Variants in STMND1 observed in about 807,000 individuals in gnomAD.
The protein encoded by STMND1 is stathmin domain-containing protein 1.
STMND1 carries 17 observed loss-of-function variants against 23.0 expected under a neutral mutation model. The ratio of observed to expected loss-of-function variants is 0.74; its 90% CI spans 0.51 to 1.11. The LOEUF (loss-of-function observed/expected upper bound fraction) is 1.11. Ranked by LOEUF, STMND1 falls within the 50% of genes least tolerant of loss-of-function variation. The pLI, the probability that STMND1 is intolerant of heterozygous loss-of-function variation, is 0.00. For missense variants in STMND1, 305 were observed against 329.1 expected (o/e 0.93, Z 0.57); for synonymous variants, 114 against 119.9 (o/e 0.95, Z 0.32).
intron 4 of STMND1, among the ~76,000 whole-genome samples, 170 bp from the exon 5 acceptor site, chr6:17,130,424 T>C (rs1338817671): frequency 6.6e-6 from 1 of 152,200 alleles, no homozygotes; most frequent in Non-Finnish European, 1.5e-5. Flanking sequence ...CCAAGCTCCA[T>C]GAGGGCAGGC....
At chr6:17,129,661 G>A (rs940945391) in intron 4 of STMND1, among the ~76,000 whole-genome samples, 24 of 152,182 alleles carry the variant, frequency 1.6e-4, no homozygotes, top group African/African-American at 3.9e-4. Flanking sequence ...TGGCTAACAC[G>A]GTGAAACCCC....
chr6:17,108,061 C>T (rs912049492), intron 1 of STMND1, among the ~76,000 whole-genome samples: 8 of 152,262 alleles, frequency 5.3e-5, no homozygotes, highest in African/African-American at 1.9e-4. Flanking sequence ...AATTTCTGCT[C>T]TGGTTTATGT....
chr6:17,126,206 T>C (rs1761303377), intron 3 of STMND1, among the ~76,000 whole-genome samples: 1 of 149,990 alleles, frequency 6.7e-6, no homozygotes, highest in Admixed American at 6.6e-5. Context: ...CGTGAGCCAC[T>C]GCGCCCAGCT....
intron 2 of STMND1, 125 bp downstream of exon 2, chr6:17,115,264 C>A (rs1476955524): frequency 3.4e-6 from 3 of 887,534 alleles, no homozygotes. Context: ...CATTAAATGG[C>A]AGTGTTTTTG....
chr6:17,109,930 A>G (rs1761075372), intron 1 of STMND1, among the ~76,000 whole-genome samples: 1 of 152,216 alleles, frequency 6.6e-6, no homozygotes, highest in Non-Finnish European at 1.5e-5. Context: ...CATTCAAAAT[A>G]GAATCAATCT....
Position 17,114,215 on chromosome 6 carries a change from C to T in STMND1, c.82-747C>T, listed in dbSNP as rs146148270. Among the ~76,000 whole-genome samples the T allele has an allele frequency of 3.1e-3, 464 of 151,740 alleles. 5 individuals are homozygous for T. The highest frequency in any genetic ancestry group is 0.011 in the African/African-American group (447 of 41,332). Reference sequence around the variant, plus strand: ...CTTGTCTTCCTGCAACTAGACAATCCTATCTAGGGGTGATGGAAAACAGTG... The same window carrying T: ...CTTGTCTTCCTGCAACTAGACAATCTTATCTAGGGGTGATGGAAAACAGTG... On this transcript the variant is annotated intron_variant, in intron 1 of 4. Transcript: ENST00000536551.
In STMND1 at chr6:17,129,243, G is replaced by C; in HGVS notation, c.543G>C (p.Lys181Asn). The C allele has an allele frequency of 1.3e-6, 2 of 1,535,896 alleles. No individual in the cohort carries two copies. Among genetic ancestry groups the C allele is most frequent in the Non-Finnish European group, 1.7e-6 (2 of 1,146,798 alleles). ...EKMEAAEERR[K>N]TKEEEIRKRL... ...TGGAGGCTGCCGAGGAGCGCAGGAAGGTAGTGAGCTCTCAGATGCTCTAGG... is the reference window on the plus strand; with the variant it reads ...TGGAGGCTGCCGAGGAGCGCAGGAACGTAGTGAGCTCTCAGATGCTCTAGG... Residue 181 changes from lysine to asparagine, a missense_variant and splice_region_variant, in exon 4 of 5, where the codon AAG becomes AAC. Lys to Asn is a moderately conservative substitution (Grantham distance 94). Transcript: ENST00000536551.
chr6:17,115,813 C>A (rs1013304353), intron 2 of STMND1, among the ~76,000 whole-genome samples: 1 of 152,200 alleles, frequency 6.6e-6, no homozygotes, highest in Non-Finnish European at 1.5e-5. Context: ...TGCTCCCCAT[C>A]ACTGTTATTT....
chr6:17,102,480 T>A, intron 1 of STMND1, 142 bp downstream of exon 1: 2 of 840,296 alleles, frequency 2.4e-6, no homozygotes, highest in Non-Finnish European at 3.7e-6. Flanking sequence ...GGAGCAACTT[T>A]ATTCTGCCGG....
chr6:17,122,446 G>A (rs1310142526), intron 3 of STMND1, among the ~76,000 whole-genome samples: 1 of 152,154 alleles, frequency 6.6e-6, no homozygotes, highest in African/African-American at 2.4e-5. Flanking sequence ...CTTAATGGTT[G>A]TCTATCCCTG....
At chr6:17,104,723 C>A (rs553035345) in intron 1 of STMND1, among the ~76,000 whole-genome samples, 36 of 152,320 alleles carry the variant, frequency 2.4e-4, no homozygotes, top group African/African-American at 8.4e-4. Flanking sequence ...TTATCTCAGT[C>A]CTCTTTTGAA....
At chr6:17,102,705 C>T (rs1760959900) in intron 1 of STMND1, among the ~76,000 whole-genome samples, 1 of 152,056 alleles carries the variant, frequency 6.6e-6, no homozygotes, top group Non-Finnish European at 1.5e-5. Context: ...TAGTGTTGAC[C>T]GTGATTCTCG....
At chr6:17,117,798 A>G (rs1446290913) in intron 2 of STMND1, among the ~76,000 whole-genome samples, 4 of 145,152 alleles carry the variant, frequency 2.8e-5, no homozygotes, top group African/African-American at 1.0e-4. Context: ...TGTCTGCCTC[A>G]GCCTCTCGAC....
At chr6:17,120,261 TG>T (rs1259339022) in intron 2 of STMND1, among the ~76,000 whole-genome samples, 2 of 152,216 alleles carry the variant, frequency 1.3e-5, no homozygotes, top group Admixed American at 6.5e-5. Context: ...TTCTTAGCTG[TG>T]GTTTAGCTTC....
chr6:17,115,194 A>G (rs1761142644), intron 2 of STMND1, 55 bp downstream of exon 2: 1 of 1,468,684 alleles, frequency 6.8e-7, no homozygotes, highest in Admixed American at 2.3e-5. Flanking sequence ...TGTTTCTCTA[A>G]ATACGTTTAC....
At position 17,114,981 on chromosome 6, in the gene STMND1, A is replaced by C. The variant is rs1761138328; in HGVS notation, c.101A>C (p.His34Pro). Reference protein sequence around the residue: ...EEFKADVSVPHTGENCSPRME... With the variant: ...EEFKADVSVPPTGENCSPRME... ...TCACAGGCTGATGTCAGTGTGCCTC[A>C]TACTGGGGAAAATTGCAGCCCCCGG... The change falls in exon 2 of 5, where the codon CAT (histidine) becomes CCT (proline). Residue 34 changes from histidine (H) to proline (P), a missense_variant. By Grantham distance (77) the His-to-Pro change is moderately conservative. Coordinates refer to ENST00000536551, the MANE Select transcript of STMND1 (RefSeq NM_001190766.2). 1 of 1,530,074 alleles carries C rather than the reference A, an allele frequency of 6.5e-7. No homozygotes were observed. Among genetic ancestry groups the C allele is most frequent in the South Asian group, 1.2e-5 (1 of 82,424 alleles). The allele number at this position is 1,530,074 out of a possible 1,614,324, so 94.8% of individuals were successfully genotyped here.
chr6:17,102,148 T>C lies in STMND1; in HGVS notation c.-110T>C. On this transcript the variant is annotated 5_prime_UTR_variant, in exon 1 of 5. Coordinates refer to ENST00000536551, the MANE Select transcript of STMND1 (RefSeq NM_001190766.2). ...GCGCCCGAGCGCAGTAGCAGGGGCG[T>C]AGGGCGCAGGGCGCAGGAGCGCGGG... 3 of 1,128,256 alleles carry C rather than the reference T, an allele frequency of 2.7e-6. No homozygotes were observed. Among genetic ancestry groups the C allele is most frequent in the Non-Finnish European group, 3.5e-6 (3 of 861,092 alleles). The allele number at this position is 1,128,256 out of a possible 1,614,324, so 69.9% of individuals were successfully genotyped here.
chr6:17,126,232 T>G (rs1395578966), intron 3 of STMND1, among the ~76,000 whole-genome samples: 4 of 151,612 alleles, frequency 2.6e-5, no homozygotes, highest in Non-Finnish European at 5.9e-5. Flanking sequence ...TTAACGTTTT[T>G]AAGTTCCAAC....
At chr6:17,120,565 C>T (rs1307265191) in intron 2 of STMND1, 42 bp from the exon 3 acceptor site, 1 of 1,429,210 alleles carries the variant, frequency 7.0e-7, no homozygotes, top group African/African-American at 1.4e-5. Context: ...AATCTTCATT[C>T]TTAAATTTTG....
Sources: gnomAD v4.1 joint callset for allele counts (sites outside exome capture counted in the v4.1 genomes callset) on GRCh38, gnomAD v4.1.1 for gene constraint, MANE v1.5 for transcripts, NCBI Gene and HGNC (gene_info 2026-07-23, HGNC 2026-07-21) for gene names.